The following GBA2 variants were observed in gnomAD, a reference collection of about 807,000 sequenced individuals.
GBA2 encodes non-lysosomal glucosylceramidase.
In GBA2, 79 loss-of-function variants were observed where a neutral mutation model predicts 112.9. That is an observed-to-expected ratio of 0.70 (90% CI 0.58 to 0.84). GBA2 has a LOEUF of 0.84. Ranked by LOEUF, GBA2 falls within the 40% of genes least tolerant of loss-of-function variation. The probability of loss-of-function intolerance (pLI) is 0.00; values close to 1 mark genes in which losing one functional copy is unlikely to be tolerated. For missense variants in GBA2, 1,043 were observed against 1,190.0 expected (o/e 0.88, Z 1.82); for synonymous variants, 403 against 434.3 (o/e 0.93, Z 0.90).
At position 35,744,627 on chromosome 9, in the gene GBA2, T is replaced by G; in HGVS notation, c.439A>C (p.Arg147=). 1.9e-6 allele frequency: 3 copies of G among 1,598,204 alleles called. No individual in the cohort carries two copies. The highest frequency in any genetic ancestry group is 2.6e-6 in the Non-Finnish European group (3 of 1,165,534). Residue 147 remains arginine (R), a synonymous_variant, in exon 2 of 17, where the codon AGA becomes CGA. Transcript: ENST00000378103. ...GGGTGGGGCTCACCATAAATCTGTC[T>G]TAGGGGTACAGAATTGATCATGTCG... ...FIDMINSVPL[R]QIYGCPLGGI...
In GBA2 at chr9:35,742,306, C is replaced by T. The variant is rs1001269338; in HGVS notation, c.568-416G>A. 3.3e-5 allele frequency among the ~76,000 whole-genome samples: 5 copies of T among 152,300 alleles called. No homozygotes were observed. In the East Asian group the frequency reaches 9.7e-4, roughly 29 times the overall value. ...CCCTTCTTGAGCTGGCCTCTCCCTG[C>T]CCATCAGACTCATCACCTGTTCAAG... On this transcript the variant is annotated intron_variant, in intron 3 of 16. Transcript: ENST00000378103.
In GBA2 at chr9:35,748,780, C is replaced by G. The variant is rs75359679; in HGVS notation, c.-76G>C. On this transcript the variant is annotated 5_prime_UTR_variant, in exon 1 of 17. Transcript: ENST00000378103. ...GCCTATTCCAGATGCGGGCGCCGGT[C>G]GTTGTTAGGTATCGTCCCGGAGGGC... 2.2e-3 allele frequency: 2,003 copies of G among 906,622 alleles called. 32 individuals are homozygous for G. In the African/African-American group the frequency reaches 0.028, roughly 13 times the overall value. 56.2% of individuals were successfully genotyped at this position (906,622 alleles called of 1,614,324 possible). A position where few individuals can be genotyped will look rare whatever the true frequency, so the allele number is the denominator to read the frequency against.
Position 35,737,053 on chromosome 9 carries a change from A to C in GBA2, c.*116T>G, listed in dbSNP as rs1475862579. ...TTACTGGCACAATTGGGTGGAGAGAAGGGAAGGGGTATGATTGTCCTGATG... is the reference window on the plus strand; with the variant it reads ...TTACTGGCACAATTGGGTGGAGAGACGGGAAGGGGTATGATTGTCCTGATG... On this transcript the variant is annotated 3_prime_UTR_variant, in exon 17 of 17. Coordinates refer to ENST00000378103, the MANE Select transcript of GBA2 (RefSeq NM_020944.3). The surrounding 1 kb of genome is among the most constrained non-coding windows in gnomAD (Gnocchi z 4.1). The C allele has an allele frequency of 6.8e-6, 10 of 1,474,404 alleles. No individual in the cohort carries two copies. In the African/African-American group the frequency reaches 1.4e-4, roughly 21 times the overall value. 91.3% of individuals were successfully genotyped at this position (1,474,404 alleles called of 1,614,324 possible). A position where few individuals can be genotyped will look rare whatever the true frequency, so the allele number is the denominator to read the frequency against.
In GBA2 at chr9:35,740,492, C is replaced by T; in HGVS notation, c.1129+34G>A. The T allele has an allele frequency of 2.5e-6, 4 of 1,582,926 alleles. No homozygotes were observed. In the South Asian group the frequency reaches 3.3e-5, roughly 13 times the overall value. On this transcript the variant is annotated intron_variant, in intron 6 of 16. Coordinates refer to ENST00000378103, the MANE Select transcript of GBA2 (RefSeq NM_020944.3). The surrounding 1 kb of genome is among the most constrained non-coding windows in gnomAD (Gnocchi z 4.7). Reference sequence around the variant, plus strand: ...TGGTCCCAAGACAGGGACAACCTCTCTTCCCACCATCTCCCAGTCAGACCC... The same window carrying T: ...TGGTCCCAAGACAGGGACAACCTCTTTTCCCACCATCTCCCAGTCAGACCC...
intron 1 of GBA2, among the ~76,000 whole-genome samples, chr9:35,748,122 C>A (rs7861326): frequency 1.2e-4 from 18 of 152,186 alleles, no homozygotes; most frequent in African/African-American, 4.3e-4. Flanking sequence ...ATGTTCCTAC[C>A]CTTTCCTTCT....
In GBA2 at chr9:35,748,860, T is replaced by C; in HGVS notation, c.-156A>G. ...GTGTTTCAGTGGAGCCGGGGAGCTC[T>C]TGCTTCAGTGGGGGCGGCGACAGCA... On this transcript the variant is annotated 5_prime_UTR_variant, in exon 1 of 17. Transcript: ENST00000378103. 1.7e-6 allele frequency: 1 copy of C among 577,678 alleles called. No homozygotes were observed. The highest frequency in any genetic ancestry group is 3.1e-6 in the Non-Finnish European group (1 of 327,772). The allele number at this position is 577,678 out of a possible 1,614,324, so 35.8% of individuals were successfully genotyped here.
rs2131979326 is a variant in GBA2, at chr9:35,741,157, C to T, written c.787-93G>A. On this transcript the variant is annotated intron_variant, in intron 4 of 16. Transcript: ENST00000378103. This position sits in a 1 kb window ranked among gnomAD's most constrained non-coding sequence, Gnocchi z 4.6. ...AGTCCTGGGCACACAGAGGACCTGA[C>T]TCAAATACTCCCCAGTGTACTCTTC... 1 of 1,314,472 alleles carries T rather than the reference C, an allele frequency of 7.6e-7. No homozygotes were observed. The highest frequency in any genetic ancestry group is 1.1e-6 in the Non-Finnish European group (1 of 936,020). 81.4% of individuals were successfully genotyped at this position (1,314,472 alleles called of 1,614,324 possible).
In GBA2 at chr9:35,740,813, C is replaced by T; in HGVS notation, c.1026+12G>A. ...TTCAGGGGCTAAGGTATAGGGCAGG[C>T]TCTTTCCTTACCGTGACTCGTGCAG... On this transcript the variant is annotated intron_variant, in intron 5 of 16. Coordinates refer to ENST00000378103, the MANE Select transcript of GBA2 (RefSeq NM_020944.3). The surrounding 1 kb of genome is among the most constrained non-coding windows in gnomAD (Gnocchi z 4.7). The T allele has an allele frequency of 6.2e-7, 1 of 1,613,828 alleles. No individual in the cohort carries two copies. The highest frequency in any genetic ancestry group is 8.5e-7 in the Non-Finnish European group (1 of 1,179,838).
At chr9:35,738,712 A>G in intron 12 of GBA2, 40 bp downstream of exon 12, 1 of 1,611,516 alleles carries the variant, frequency 6.2e-7, no homozygotes, top group Non-Finnish European at 8.5e-7. Flanking sequence ...GACACCAACC[A>G]TACCCCTGGC....
Position 35,737,901 on chromosome 9 carries a change from AGTTT to A in GBA2, c.2348_2351del (p.Gln783LeufsTer5), listed in dbSNP as rs1380803784. On this transcript the variant is annotated frameshift_variant, in exon 16 of 17. Coordinates refer to ENST00000378103, the MANE Select transcript of GBA2 (RefSeq NM_020944.3). LOFTEE classifies it high-confidence loss of function. This position sits in a 1 kb window ranked among gnomAD's most constrained non-coding sequence, Gnocchi z 4.1. Reference sequence around the variant, plus strand: ...AGGCCTGGACGTTCAGCTCAAAGATAGTTTGGAGAGCACGGACCACATGTTGGGT... The same window carrying A: ...AGGCCTGGACGTTCAGCTCAAAGATAGGAGAGCACGGACCACATGTTGGGT... 1 of 1,613,050 alleles carries A rather than the reference AGTTT, an allele frequency of 6.2e-7. No homozygotes were observed. The highest frequency in any genetic ancestry group is 8.5e-7 in the Non-Finnish European group (1 of 1,179,978).
chr9:35,738,130 G>T lies in GBA2; in HGVS notation c.2220C>A (p.Ser740Arg), dbSNP rs200894732. 8.1e-4 allele frequency: 1,307 copies of T among 1,613,964 alleles called. No homozygotes were observed. Among genetic ancestry groups the T allele is most frequent in the Non-Finnish European group, 1.0e-3 (1,179 of 1,179,816 alleles). Residue 740 changes from serine (S) to arginine (R), a missense_variant, in exon 15 of 17, where the codon AGC (serine) becomes AGA (arginine). Coordinates refer to ENST00000378103, the MANE Select transcript of GBA2 (RefSeq NM_020944.3). ...LWNGRYYNYD[S>R]SSRPQSRSVM... ...CACTACGAGACTGAGGCCGAGAGCTGCTGTCATAGTTGTAATAGCGGCCTG... is the reference window on the plus strand; with the variant it reads ...CACTACGAGACTGAGGCCGAGAGCTTCTGTCATAGTTGTAATAGCGGCCTG...
At chr9:35,739,961 G>A in intron 8 of GBA2, 37 bp downstream of exon 8, 2 of 1,611,728 alleles carry the variant, frequency 1.2e-6, no homozygotes, top group Non-Finnish European at 1.7e-6. Context: ...TGGAGTGAGT[G>A]CCCAGGAGAA....
chr9:35,744,854 C>T (rs1433353667), intron 1 of GBA2, 148 bp from the exon 2 acceptor site: 3 of 618,366 alleles, frequency 4.9e-6, no homozygotes, highest in Admixed American at 5.3e-5. Flanking sequence ...CTATACAGTT[C>T]AAGGTCCCTT....
At position 35,739,751 on chromosome 9, in the gene GBA2, G is replaced by A; in HGVS notation, c.1459C>T (p.Leu487=). 6.2e-7 allele frequency: 1 copy of A among 1,614,132 alleles called. No individual in the cohort carries two copies. Among genetic ancestry groups the A allele is most frequent in the Non-Finnish European group, 8.5e-7 (1 of 1,179,946 alleles). ...KSALFNELYF[L]ADGGTVWLEV... ...AGCCACACTGTGCCTCCATCAGCCAGGAAGTATAGTTCATTGAACAGCGCA... is the reference window on the plus strand; with the variant it reads ...AGCCACACTGTGCCTCCATCAGCCAAGAAGTATAGTTCATTGAACAGCGCA... The change falls in exon 9 of 17, where the codon CTG becomes TTG. Residue 487 remains leucine, a synonymous_variant. Transcript: ENST00000378103.
chr9:35,744,475 C>A, intron 2 of GBA2, 63 bp from the exon 3 acceptor site: 1 of 1,124,012 alleles, frequency 8.9e-7, no homozygotes, highest in Non-Finnish European at 1.4e-6. Context: ...TTCTAACTTT[C>A]TAGACTATAA....
chr9:35,736,956 C>T lies in GBA2; in HGVS notation c.*213G>A. 1 of 802,858 alleles carries T rather than the reference C, an allele frequency of 1.2e-6. No homozygotes were observed. The highest frequency in any genetic ancestry group is 1.8e-5 in the South Asian group (1 of 54,350). The allele number at this position is 802,858 out of a possible 1,614,324, so 49.7% of individuals were successfully genotyped here. The stretch of plus-strand genomic sequence containing the variant: ...AACTGACCTCCCTGAACATTTCACG[C>T]AGTCAGGGAACAGGTGAGGAAAGAA... On this transcript the variant is annotated 3_prime_UTR_variant, in exon 17 of 17. Coordinates refer to ENST00000378103, the MANE Select transcript of GBA2 (RefSeq NM_020944.3).
In GBA2 at chr9:35,748,481, T is replaced by C. The variant is rs1051470845; in HGVS notation, c.224A>G (p.Lys75Arg). Reference sequence around the variant, plus strand: ...GGGAGGCACCTGGTAGCCCATAGCTTTACCCTCATAGGAAACCATCAGCTG... The same window carrying C: ...GGGAGGCACCTGGTAGCCCATAGCTCTACCCTCATAGGAAACCATCAGCTG... Reference protein sequence around the residue: ...SGQLMVSYEGKAMGYQVPPFG... With the variant: ...SGQLMVSYEGRAMGYQVPPFG... The change falls in exon 1 of 17, where the codon AAA becomes AGA. Residue 75 changes from lysine to arginine, a missense_variant. Lys to Arg is a conservative substitution (Grantham distance 26). Coordinates refer to ENST00000378103, the MANE Select transcript of GBA2 (RefSeq NM_020944.3). 4.3e-6 allele frequency: 7 copies of C among 1,614,026 alleles called. No individual in the cohort carries two copies. In the African/African-American group the frequency reaches 8.0e-5, roughly 18 times the overall value.
chr9:35,741,974 C>G lies in GBA2; in HGVS notation c.568-84G>C. 1.2e-6 allele frequency: 1 copy of G among 857,776 alleles called. No homozygotes were observed. Among genetic ancestry groups the G allele is most frequent in the East Asian group, 2.6e-5 (1 of 38,080 alleles). The allele number at this position is 857,776 out of a possible 1,614,324, so 53.1% of individuals were successfully genotyped here. A position where few individuals can be genotyped will look rare whatever the true frequency, so the allele number is the denominator to read the frequency against. ...CCCTCTCCTCAAATCAGCTCCTCCC[C>G]TTTCAGAGCCTGCAACTGTTACCAC... On this transcript the variant is annotated intron_variant, in intron 3 of 16. Transcript: ENST00000378103. This position sits in a 1 kb window ranked among gnomAD's most constrained non-coding sequence, Gnocchi z 4.6.
chr9:35,748,756 C>CAT lies in GBA2; in HGVS notation c.-53_-52insAT. On this transcript the variant is annotated 5_prime_UTR_variant, in exon 1 of 17. The change creates a new upstream start codon in the 5' untranslated region. Coordinates refer to ENST00000378103, the MANE Select transcript of GBA2 (RefSeq NM_020944.3). ...CCTCGGATACTAAGTATCTCGCCAG[C>CAT]CTATTCCAGATGCGGGCGCCGGTCG... 1.7e-6 allele frequency: 2 copies of CAT among 1,173,288 alleles called. No homozygotes were observed. Among genetic ancestry groups the CAT allele is most frequent in the Non-Finnish European group, 2.4e-6 (2 of 832,744 alleles). 72.7% of individuals were successfully genotyped at this position (1,173,288 alleles called of 1,614,324 possible).
Sources: gnomAD v4.1 joint callset for allele counts (sites outside exome capture counted in the v4.1 genomes callset) on GRCh38, gnomAD v4.1.1 for gene constraint, Gnocchi (gnomAD v3.1) non-coding constraint, MANE v1.5 for transcripts, NCBI Gene and HGNC (gene_info 2026-07-23, HGNC 2026-07-21) for gene names.